Variants in ZNF407 observed in about 807,000 individuals in gnomAD.
The protein encoded by ZNF407 is zinc finger protein 407.
ZNF407 carries 17 observed loss-of-function variants against 131.2 expected under a neutral mutation model. That is an observed-to-expected ratio of 0.13 (90% CI 0.09 to 0.19). The LOEUF (loss-of-function observed/expected upper bound fraction) is 0.19. Ranked by LOEUF, ZNF407 falls within the 10% of genes least tolerant of loss-of-function variation. The probability of loss-of-function intolerance (pLI) is 1.00; values close to 1 mark genes in which losing one functional copy is unlikely to be tolerated. For missense variants in ZNF407, 2,681 were observed against 2,830.6 expected (o/e 0.95, Z 1.20); for synonymous variants, 1,156 against 1,062.0 (o/e 1.09, Z -1.72).
intron 3 of ZNF407, among the ~76,000 whole-genome samples, chr18:74,689,466 A>T (rs1967170801): frequency 6.6e-6 from 1 of 152,206 alleles, no homozygotes; most frequent in African/African-American, 2.4e-5. Context: ...AGTCAATGAA[A>T]GTTAGAAATA....
At chr18:74,991,992 G>A (rs2076801425) in intron 8 of ZNF407, among the ~76,000 whole-genome samples, 1 of 152,244 alleles carries the variant, frequency 6.6e-6, no homozygotes, top group South Asian at 2.1e-4. Flanking sequence ...CACCAGGAAA[G>A]CTGAAAGGAT....
intron 8 of ZNF407, among the ~76,000 whole-genome samples, chr18:75,024,588 G>T (rs1261796763): frequency 6.6e-6 from 1 of 152,108 alleles, no homozygotes; most frequent in Non-Finnish European, 1.5e-5. Flanking sequence ...AGTTTAAAGG[G>T]TGATGAATTT....
rs375136326 is a variant in ZNF407, at chr18:74,608,355, C to CT, written c.-54+10428dup. Among the ~76,000 whole-genome samples the CT allele has an allele frequency of 8.3e-4, 122 of 146,552 alleles. 1 individual carries two copies. The highest frequency in any genetic ancestry group is 2.0e-3 in the African/African-American group (80 of 39,630). On this transcript the variant is annotated intron_variant, in intron 1 of 8. Coordinates refer to ENST00000299687, the MANE Select transcript of ZNF407 (RefSeq NM_017757.3). ...TCTGTGATAGTGTTCTTTTAGATTTCTTTTTTTTTTGGAAACAGAGTCTTG... is the reference window on the plus strand; with the variant it reads ...TCTGTGATAGTGTTCTTTTAGATTTCTTTTTTTTTTTGGAAACAGAGTCTTG...
chr18:74,742,418 A>T (rs144435980), intron 3 of ZNF407, among the ~76,000 whole-genome samples: 51 of 152,308 alleles, frequency 3.3e-4, no homozygotes, highest in African/African-American at 1.2e-3. Flanking sequence ...TGAGGTTAAG[A>T]CACATGACGT....
chr18:74,993,450 G>A (rs1232221202), intron 8 of ZNF407, among the ~76,000 whole-genome samples: 1 of 152,208 alleles, frequency 6.6e-6, no homozygotes. Context: ...CTCATCCATA[G>A]GGTTGTAAGC....
At chr18:74,767,362 A>T (rs1282813687) in intron 3 of ZNF407, among the ~76,000 whole-genome samples, 1 of 152,188 alleles carries the variant, frequency 6.6e-6, no homozygotes, top group East Asian at 1.9e-4. Flanking sequence ...GTAATTGATG[A>T]TGATGATCTT....
At chr18:74,870,146 T>A (rs1971066932) in intron 4 of ZNF407, among the ~76,000 whole-genome samples, 1 of 152,184 alleles carries the variant, frequency 6.6e-6, no homozygotes, top group African/African-American at 2.4e-5. Context: ...TTAATGCTCC[T>A]CCCAGAAGTT....
chr18:74,813,262 G>A (rs779168046), intron 4 of ZNF407, among the ~76,000 whole-genome samples: 1 of 152,082 alleles, frequency 6.6e-6, no homozygotes, highest in Non-Finnish European at 1.5e-5. Context: ...TGGACAGGTG[G>A]GCATAGCTTC....
intron 3 of ZNF407, among the ~76,000 whole-genome samples, chr18:74,671,866 G>A (rs1194962873): frequency 1.3e-5 from 2 of 152,208 alleles, no homozygotes; most frequent in East Asian, 3.9e-4. Context: ...GCATTTCTTT[G>A]GGACCATAGC....
At chr18:74,797,017 G>A (rs1260713184) in intron 4 of ZNF407, among the ~76,000 whole-genome samples, 4 of 152,192 alleles carry the variant, frequency 2.6e-5, no homozygotes, top group Non-Finnish European at 4.4e-5. Context: ...TCAAGGAATG[G>A]AATGGTAACT....
chr18:74,630,210 G>A (rs1326070793), intron 1 of ZNF407, among the ~76,000 whole-genome samples: 9 of 137,274 alleles, frequency 6.6e-5, no homozygotes, highest in Non-Finnish European at 1.1e-4. Context: ...TCGCTCTGTC[G>A]CCCAGGCTGG....
intron 6 of ZNF407, among the ~76,000 whole-genome samples, chr18:74,881,652 C>T (rs1460580222): frequency 1.3e-5 from 2 of 152,174 alleles, no homozygotes; most frequent in Non-Finnish European, 2.9e-5. Context: ...GAAGTCATTG[C>T]TGTTTCAGTT....
intron 8 of ZNF407, among the ~76,000 whole-genome samples, chr18:74,936,286 C>T (rs373847017): frequency 1.3e-5 from 2 of 152,094 alleles, no homozygotes; most frequent in Non-Finnish European, 2.9e-5. Flanking sequence ...TCAAGATATT[C>T]GCCTGTTACA....
chr18:74,676,607 T>C (rs1599061255), intron 3 of ZNF407, among the ~76,000 whole-genome samples: 1 of 133,524 alleles, frequency 7.5e-6, no homozygotes, highest in African/African-American at 2.8e-5. Flanking sequence ...CGGGTAATTT[T>C]GTATTTTTAG....
chr18:74,731,623 A>G (rs1315659295), intron 3 of ZNF407, among the ~76,000 whole-genome samples: 1 of 152,194 alleles, frequency 6.6e-6, no homozygotes, highest in Non-Finnish European at 1.5e-5. Context: ...TGAGTGTAGT[A>G]AGCACTGCTA....
At chr18:74,901,354 T>C (rs914748091) in intron 7 of ZNF407, among the ~76,000 whole-genome samples, 4 of 152,356 alleles carry the variant, frequency 2.6e-5, no homozygotes, top group South Asian at 2.1e-4. Flanking sequence ...TATTTCCCTT[T>C]GCAAATTGAG....
chr18:74,928,793 C>G (rs181160390), intron 8 of ZNF407, among the ~76,000 whole-genome samples: 1 of 151,936 alleles, frequency 6.6e-6, no homozygotes, highest in East Asian at 1.9e-4. Flanking sequence ...CCTTCAGGGC[C>G]GGAGCTAGTT....
chr18:74,738,740 A>G (rs1968480231), intron 3 of ZNF407, among the ~76,000 whole-genome samples: 1 of 152,134 alleles, frequency 6.6e-6, no homozygotes, highest in Non-Finnish European at 1.5e-5. Flanking sequence ...CTCTGTCTCA[A>G]AAAAAGTTAG....
chr18:74,898,927 A>G (rs1360819813), intron 7 of ZNF407, among the ~76,000 whole-genome samples: 2 of 152,238 alleles, frequency 1.3e-5, no homozygotes, highest in Non-Finnish European at 2.9e-5. Flanking sequence ...GTTCCAATCT[A>G]AAAACCTCAG....
Sources: allele counts gnomAD v4.1 joint callset (sites outside exome capture counted in the v4.1 genomes callset), GRCh38; gene constraint gnomAD v4.1.1; transcripts MANE v1.5; gene names NCBI Gene and HGNC (gene_info 2026-07-23, HGNC 2026-07-21).